Variants in FOXO3 observed in about 807,000 individuals in gnomAD.
FOXO3 encodes forkhead box O3, also known as forkhead box protein O3.
A neutral mutation model predicts 41.9 loss-of-function variants in FOXO3; 4 were observed. That is an observed-to-expected ratio of 0.10 (90% CI 0.05 to 0.22). The LOEUF is 0.22. FOXO3 is among the 10% of genes least tolerant of loss of function. FOXO3 has a pLI of 1.00. For synonymous variants in FOXO3, 318 were observed against 389.3 expected (o/e 0.82, Z 2.16); for missense variants, 534 against 906.8 (o/e 0.59, Z 5.28).
chr6:108,560,872 G>A (rs1178153078), upstream of FOXO3: 2 of 892,464 alleles, frequency 2.2e-6, no homozygotes, highest in Non-Finnish European at 3.0e-6. Flanking sequence ...CCCCGCGCGA[G>A]GCCGTCGATT....
Position 108,565,838 on chromosome 6 carries a change from T to A in FOXO3, c.621+4009T>A, listed in dbSNP as rs550222159. Among the ~76,000 whole-genome samples, 9 of 152,348 alleles carry A rather than the reference T, an allele frequency of 5.9e-5. No homozygotes were observed. The East Asian group carries it at 1.7e-3, about 29-fold the overall frequency. ...TTTTCAACACACTGTATTAGGAAAA[T>A]GTTATTTTAACTGCAACTCTGTTTT... On this transcript the variant is annotated intron_variant, in intron 1 of 2. Transcript: ENST00000406360.
chr6:108,568,048 C>CAA (rs879757833), intron 1 of FOXO3, among the ~76,000 whole-genome samples: 3 of 138,644 alleles, frequency 2.2e-5, no homozygotes, highest in Non-Finnish European at 3.2e-5. Flanking sequence ...AACTCCATCT[C>CAA]AAAAAAAAAA....
intron 1 of FOXO3, among the ~76,000 whole-genome samples, chr6:108,656,692 C>T (rs1212077557): frequency 6.6e-6 from 1 of 152,136 alleles, no homozygotes; most frequent in Non-Finnish European, 1.5e-5. Flanking sequence ...TGTTTTTATC[C>T]TGCCTGTGGG....
At chr6:108,577,523 T>G (rs1776293905) in intron 1 of FOXO3, among the ~76,000 whole-genome samples, 1 of 152,234 alleles carries the variant, frequency 6.6e-6, no homozygotes, top group African/African-American at 2.4e-5. Flanking sequence ...TCAGTGGTTT[T>G]CAACCCTGGC....
chr6:108,618,586 T>C (rs1777580313), intron 1 of FOXO3, among the ~76,000 whole-genome samples: 1 of 152,274 alleles, frequency 6.6e-6, no homozygotes, highest in Admixed American at 6.5e-5. Context: ...CGAGTACTTA[T>C]CTGCCGTAAG....
Position 108,663,943 on chromosome 6 carries a change from T to A in FOXO3, c.1110T>A (p.Thr370=), listed in dbSNP as rs1180133636. Reference sequence around the variant, plus strand: ...GCACGGTGGAACTGCCACGGCTGACTGATATGGCAGGCACCATGAATCTGA... The same window carrying A: ...GCACGGTGGAACTGCCACGGCTGACAGATATGGCAGGCACCATGAATCTGA... ...KPCTVELPRL[T]DMAGTMNLND... is the part of the protein sequence containing the mutation. The change falls in exon 2 of 3, where the codon ACT becomes ACA. Residue 370 remains threonine, a synonymous_variant. Transcript: ENST00000406360. 6.2e-7 allele frequency: 1 copy of A among 1,614,234 alleles called. No individual in the cohort carries two copies. Among genetic ancestry groups the A allele is most frequent in the Non-Finnish European group, 8.5e-7 (1 of 1,180,038 alleles).
intron 1 of FOXO3, among the ~76,000 whole-genome samples, chr6:108,654,702 C>G (rs531510364): frequency 9.9e-5 from 15 of 151,404 alleles, no homozygotes; most frequent in African/African-American, 3.6e-4. Flanking sequence ...AATTATTCAG[C>G]CAAGTTCCCA....
At chr6:108,633,922 C>T (rs555027240) in intron 1 of FOXO3, among the ~76,000 whole-genome samples, 3 of 152,046 alleles carry the variant, frequency 2.0e-5, no homozygotes, top group Non-Finnish European at 2.9e-5. Context: ...GCTCAGTTAC[C>T]CAGATTTATA....
intron 1 of FOXO3, among the ~76,000 whole-genome samples, chr6:108,638,587 C>CA (rs1337291364): frequency 6.6e-6 from 1 of 152,086 alleles, no homozygotes; most frequent in East Asian, 1.9e-4. Context: ...CAAGTGGTGT[C>CA]AAAAAATAAG....
At chr6:108,634,402 G>C (rs1227995642) in intron 1 of FOXO3, among the ~76,000 whole-genome samples, 2 of 152,128 alleles carry the variant, frequency 1.3e-5, no homozygotes, top group Non-Finnish European at 2.9e-5. Context: ...GGTCAGGGAT[G>C]ATGACCCCCT....
At chr6:108,563,004 T>C (rs767406691) in intron 1 of FOXO3, among the ~76,000 whole-genome samples, 29 of 152,292 alleles carry the variant, frequency 1.9e-4, no homozygotes, top group Non-Finnish European at 4.1e-4. Flanking sequence ...GATTTTTTTT[T>C]GTTTTGTTTT....
chr6:108,657,315 T>C (rs1203729044), intron 1 of FOXO3, among the ~76,000 whole-genome samples: 2 of 152,198 alleles, frequency 1.3e-5, no homozygotes, highest in Non-Finnish European at 2.9e-5. Context: ...CTTTCTTTCT[T>C]GTAATTTCAT....
At chr6:108,562,048 C>T (rs1017993416) in intron 1 of FOXO3, among the ~76,000 whole-genome samples, 1 of 151,932 alleles carries the variant, frequency 6.6e-6, no homozygotes, top group African/African-American at 2.4e-5. Flanking sequence ...AAGCTTGGGG[C>T]ATGGCCAGGT....
chr6:108,596,435 CAG>C (rs1168291806), intron 1 of FOXO3, among the ~76,000 whole-genome samples: 5 of 145,694 alleles, frequency 3.4e-5, no homozygotes, highest in Admixed American at 1.4e-4. Flanking sequence ...AATGTGGACT[CAG>C]AGGTATAGAG....
chr6:108,615,605 T>C (rs1777475905), intron 1 of FOXO3, among the ~76,000 whole-genome samples: 1 of 152,052 alleles, frequency 6.6e-6, no homozygotes, highest in Non-Finnish European at 1.5e-5. Context: ...ATCTGAGTGT[T>C]TATAGTTTTT....
chr6:108,665,035 T>C, intron 2 of FOXO3, 146 bp downstream of exon 2: 1 of 929,494 alleles, frequency 1.1e-6, no homozygotes, highest in African/African-American at 1.7e-5. Flanking sequence ...CCCAGCCAGT[T>C]CCATCTCAGG....
chr6:108,568,398 T>C (rs1776004116), intron 1 of FOXO3, among the ~76,000 whole-genome samples: 1 of 152,074 alleles, frequency 6.6e-6, no homozygotes, highest in South Asian at 2.1e-4. Flanking sequence ...TCGCTGTGTT[T>C]CTCCTTTTGT....
At chr6:108,595,006 T>A (rs1011217513) in intron 1 of FOXO3, among the ~76,000 whole-genome samples, 8 of 152,182 alleles carry the variant, frequency 5.3e-5, no homozygotes, top group African/African-American at 1.9e-4. Context: ...CCAAAGTATT[T>A]TCATGGTGGT....
At chr6:108,590,306 A>G (rs767274537) in intron 1 of FOXO3, among the ~76,000 whole-genome samples, 11 of 151,976 alleles carry the variant, frequency 7.2e-5, no homozygotes, top group Non-Finnish European at 1.6e-4. Flanking sequence ...TTTTTTGAGA[A>G]ATAATACAGA....
Sources: allele counts gnomAD v4.1 joint callset (sites outside exome capture counted in the v4.1 genomes callset), GRCh38; gene constraint gnomAD v4.1.1; transcripts MANE v1.5; gene names NCBI Gene and HGNC (gene_info 2026-07-23, HGNC 2026-07-21).